Variants in RNF150 observed in about 807,000 individuals in gnomAD.
RNF150 encodes ring finger protein 150.
Under a neutral mutation model 39.3 loss-of-function variants are expected in RNF150, and 24 were observed. The ratio of observed to expected loss-of-function variants is 0.61; its 90% CI spans 0.44 to 0.86. The LOEUF (loss-of-function observed/expected upper bound fraction) is 0.86, where lower values mean the gene tolerates loss of function less well. Among genes scored for constraint, RNF150 ranks in the 40% least tolerant of loss-of-function variants. The probability of loss-of-function intolerance (pLI) is 0.00; values close to 1 mark genes in which losing one functional copy is unlikely to be tolerated. For synonymous variants in RNF150, 255 were observed against 227.3 expected (o/e 1.12, Z -1.10); for missense variants, 502 against 587.8 (o/e 0.85, Z 1.51).
intron 1 of RNF150, among the ~76,000 whole-genome samples, chr4:141,155,507 G>A (rs1257590389): frequency 6.6e-6 from 1 of 152,180 alleles, no homozygotes; most frequent in Non-Finnish European, 1.5e-5. Flanking sequence ...AGGAGGAAGG[G>A]TGAGACAGGA....
Position 141,078,592 on chromosome 4 carries a change from C to T in RNF150, c.484+53733G>A, listed in dbSNP as rs564072238. ...AAGTCAGGAGATAGACCATCCTGGC[C>T]AACATGGTGAAACCCCGTCTCTACT... is the stretch of plus-strand genomic sequence containing the variant. On this transcript the variant is annotated intron_variant, in intron 1 of 6. Transcript: ENST00000515673. Among the ~76,000 whole-genome samples the T allele has an allele frequency of 2.0e-3, 303 of 150,120 alleles. 3 individuals carry two copies. The highest frequency in any genetic ancestry group is 6.2e-3 in the Admixed American group (93 of 15,080).
intron 1 of RNF150, among the ~76,000 whole-genome samples, chr4:141,090,791 G>A (rs780658944): frequency 1.3e-5 from 2 of 152,152 alleles, no homozygotes; most frequent in Admixed American, 6.5e-5. Flanking sequence ...CAGGAACGAT[G>A]GCCAATGGTT....
intron 2 of RNF150, among the ~76,000 whole-genome samples, chr4:140,961,245 C>T (rs1733011325): frequency 6.6e-6 from 1 of 152,144 alleles, no homozygotes; most frequent in Non-Finnish European, 1.5e-5. Flanking sequence ...AATATTACTT[C>T]ATGGGAAACT....
In RNF150 at chr4:141,007,294, T is replaced by G. The variant is rs192084015; in HGVS notation, c.485-39421A>C. ...TGGTGAGGGTCTTCTGTAAGGAATC[T>G]CTGAAAATACTCCTCCTTGAAAGTG... is the stretch of plus-strand genomic sequence containing the variant. On this transcript the variant is annotated intron_variant, in intron 1 of 6. Transcript: ENST00000515673. Among the ~76,000 whole-genome samples the G allele has an allele frequency of 8.3e-4, 126 of 152,306 alleles. 2 individuals are homozygous for G. The highest frequency in any genetic ancestry group is 5.9e-5 in the Non-Finnish European group (4 of 68,026).
intron 4 of RNF150, among the ~76,000 whole-genome samples, chr4:140,927,830 G>T (rs1485089810): frequency 6.6e-6 from 1 of 151,590 alleles, no homozygotes; most frequent in Admixed American, 6.6e-5. Context: ...TGTATTTTTA[G>T]TAGAGACGGG....
At chr4:141,183,737 T>A (rs769415952) in intron 1 of RNF150, among the ~76,000 whole-genome samples, 38 of 152,210 alleles carry the variant, frequency 2.5e-4, no homozygotes, top group Non-Finnish European at 3.5e-4. Context: ...AACTCCCACT[T>A]ATGAGTGAGA....
At chr4:141,052,625 C>T (rs1263280511) in intron 1 of RNF150, among the ~76,000 whole-genome samples, 1 of 152,188 alleles carries the variant, frequency 6.6e-6, no homozygotes, top group Admixed American at 6.5e-5. Flanking sequence ...ATCCACCTGC[C>T]TTGGCCTCCC....
intron 1 of RNF150, among the ~76,000 whole-genome samples, chr4:141,167,192 CAG>C (rs1727619986): frequency 6.6e-6 from 1 of 152,110 alleles, no homozygotes; most frequent in African/African-American, 2.4e-5. Flanking sequence ...CGTCCATTCA[CAG>C]TTGCTACAAA....
chr4:141,183,080 G>A (rs1303273379), intron 1 of RNF150, among the ~76,000 whole-genome samples: 1 of 152,204 alleles, frequency 6.6e-6, no homozygotes, highest in Non-Finnish European at 1.5e-5. Context: ...GGACTAGGGT[G>A]TCAGACAACT....
intron 1 of RNF150, among the ~76,000 whole-genome samples, chr4:141,012,558 A>G (rs1275046962): frequency 2.0e-5 from 3 of 151,752 alleles, no homozygotes; most frequent in African/African-American, 7.3e-5. Context: ...TTTGGAAGGG[A>G]TTTTGGTGCA....
chr4:140,882,635 T>A (rs1729419613), intron 6 of RNF150, among the ~76,000 whole-genome samples: 1 of 152,346 alleles, frequency 6.6e-6, no homozygotes, highest in South Asian at 2.1e-4. Context: ...ATAATTGTTA[T>A]ATCTTTCTGA....
intron 1 of RNF150, among the ~76,000 whole-genome samples, chr4:141,142,135 T>G (rs1349569997): frequency 1.3e-5 from 2 of 152,170 alleles, no homozygotes; most frequent in Admixed American, 6.5e-5. Flanking sequence ...CTCTTTAGTT[T>G]CTTACTCTTA....
chr4:141,013,530 T>G (rs988946858), intron 1 of RNF150, among the ~76,000 whole-genome samples: 2 of 152,200 alleles, frequency 1.3e-5, no homozygotes, highest in Non-Finnish European at 2.9e-5. Flanking sequence ...GTGGCTCTTC[T>G]AAGTCTTCTA....
At chr4:141,010,622 A>G (rs1735040934) in intron 1 of RNF150, among the ~76,000 whole-genome samples, 1 of 152,162 alleles carries the variant, frequency 6.6e-6, no homozygotes, top group Non-Finnish European at 1.5e-5. Flanking sequence ...TTGTAATGGC[A>G]TGGGGCTTCT....
chr4:141,088,544 GA>G (rs1291344664), intron 1 of RNF150, among the ~76,000 whole-genome samples: 1 of 152,076 alleles, frequency 6.6e-6, no homozygotes, highest in Non-Finnish European at 1.5e-5. Flanking sequence ...TAAAATAAAG[GA>G]AAGCAATTCA....
At position 140,868,230 on chromosome 4, in the gene RNF150, C is replaced by A; in HGVS notation, c.*31G>T. 2.4e-6 allele frequency: 3 copies of A among 1,255,770 alleles called. No homozygotes were observed. Among genetic ancestry groups the A allele is most frequent in the Non-Finnish European group, 3.5e-6 (3 of 853,514 alleles). The allele number at this position is 1,255,770 out of a possible 1,614,324, so 77.8% of individuals were successfully genotyped here. The stretch of plus-strand genomic sequence containing the variant: ...CTCTTCCCTTCCTTTCCCTTGGGTC[C>A]TACTATCTCTTTGCTTCTGGATTTG... On this transcript the variant is annotated 3_prime_UTR_variant, in exon 7 of 7. Coordinates refer to ENST00000515673, the MANE Select transcript of RNF150 (RefSeq NM_020724.2).
At chr4:141,138,519 TA>T (rs1444366017) in intron 1 of RNF150, among the ~76,000 whole-genome samples, 1 of 152,242 alleles carries the variant, frequency 6.6e-6, no homozygotes, top group South Asian at 2.1e-4. Flanking sequence ...CTGGCATTAT[TA>T]TTTTTTTAAT....
intron 1 of RNF150, among the ~76,000 whole-genome samples, chr4:141,044,797 AC>A (rs541965683): frequency 0.035 from 5,045 of 144,440 alleles, 200 homozygotes; most frequent in East Asian, 0.25. Context: ...ACACACACAC[AC>A]AATTCATGTG....
At chr4:140,999,984 A>AAGAAG (rs1491225196) in intron 1 of RNF150, among the ~76,000 whole-genome samples, 1 of 28,728 alleles carries the variant, frequency 3.5e-5, no homozygotes, top group Non-Finnish European at 9.8e-5. Flanking sequence ...AGAAAAGAAG[A>AAGAAG]AAAGAAGAAA....
Sources: gnomAD v4.1 joint callset for allele counts (sites outside exome capture counted in the v4.1 genomes callset) on GRCh38, gnomAD v4.1.1 for gene constraint, MANE v1.5 for transcripts, NCBI Gene and HGNC (gene_info 2026-07-23, HGNC 2026-07-21) for gene names.